The following HMSD variants were observed in gnomAD, a reference collection of about 807,000 sequenced individuals.
The protein encoded by HMSD is serpin-like protein HMSD.
A neutral mutation model predicts 10.0 loss-of-function variants in HMSD; 13 were observed. The observed-to-expected ratio is 1.31, with a 90% CI of 0.85 to 2.08. HMSD has a LOEUF of 2.08. Among genes scored for constraint, HMSD ranks in the 30% most tolerant of loss-of-function variants. The pLI, the probability that HMSD is intolerant of heterozygous loss-of-function variation, is 0.00. For synonymous variants in HMSD, 51 were observed against 54.2 expected, an observed-to-expected ratio of 0.94 and a Z score of 0.26; for missense variants, 169 against 166.3, an observed-to-expected ratio of 1.02 and a Z score of -0.09.
chr18:63,953,583 G>A, intron 2 of HMSD, 56 bp downstream of exon 2: 2 of 1,381,330 alleles, frequency 1.4e-6, no homozygotes, highest in Non-Finnish European at 2.1e-6. Context: ...CAGTTGAGCT[G>A]GACTTCTGCA....
intron 1 of HMSD, among the ~76,000 whole-genome samples, chr18:63,950,191 C>A (rs1179071340): frequency 1.3e-5 from 2 of 151,698 alleles, no homozygotes; most frequent in Non-Finnish European, 2.9e-5. Flanking sequence ...CTGAGGGGGG[C>A]GGATCACGAG....
intron 3 of HMSD, among the ~76,000 whole-genome samples, chr18:63,958,627 G>C (rs1403438696): frequency 1.3e-5 from 2 of 152,088 alleles, no homozygotes; most frequent in African/African-American, 4.8e-5. Flanking sequence ...TTTTTGGAAA[G>C]TTGATCATAG....
chr18:63,954,299 G>C, intron 2 of HMSD, 109 bp from the exon 3 acceptor site: 1 of 765,886 alleles, frequency 1.3e-6, no homozygotes, highest in South Asian at 1.9e-5. Context: ...CATCTTTTAA[G>C]CTGTAGTAAG....
At chr18:63,960,023 T>C in intron 3 of HMSD, 135 bp from the exon 4 acceptor site, 2 of 921,478 alleles carry the variant, frequency 2.2e-6, no homozygotes, top group Non-Finnish European at 3.3e-6. Flanking sequence ...TTTAGGTTAA[T>C]TCCTCATCTT....
At chr18:63,963,079 T>C (rs867011043), downstream of HMSD, among the ~76,000 whole-genome samples, 9 of 49,932 alleles carry the variant, frequency 1.8e-4, no homozygotes, top group Non-Finnish European at 3.0e-4. Context: ...TTCTCTTTCT[T>C]TCTTTCTTTC....
rs1299795652 is a variant in HMSD, at chr18:63,960,388, A to C, written c.*33A>C. The C allele has an allele frequency of 6.5e-7, 1 of 1,536,116 alleles. No individual in the cohort carries two copies. The highest frequency in any genetic ancestry group is 2.1e-5 in the Admixed American group (1 of 47,000). ...TCCTTTTTTCTCTAAACAACTATGC[A>C]AACATTAAAACCTTTCTTTGGAAAT... is the stretch of plus-strand genomic sequence containing the variant. On this transcript the variant is annotated 3_prime_UTR_variant, in exon 4 of 4. Transcript: ENST00000408945.
chr18:63,961,280 C>T lies in HMSD; in HGVS notation c.*925C>T, dbSNP rs2050385327. On this transcript the variant is annotated 3_prime_UTR_variant, in exon 4 of 4. Transcript: ENST00000408945. ...TGAAAATGAATGATAATGGTTTTAT[C>T]TGTTATAGAAATATAATATAATCAG... 1 of 151,348 alleles carries T rather than the reference C, an allele frequency of 6.6e-6. No homozygotes were observed. The highest frequency in any genetic ancestry group is 2.1e-4 in the South Asian group (1 of 4,806). 9.4% of individuals were successfully genotyped at this position (151,348 alleles called of 1,614,324 possible).
chr18:63,964,928 CCAAGA>C (rs2050403891), downstream of HMSD, among the ~76,000 whole-genome samples: 1 of 152,096 alleles, frequency 6.6e-6, no homozygotes, highest in South Asian at 2.1e-4. Flanking sequence ...TCCACTTACC[CCAAGA>C]CATGAAGTGA....
Position 63,953,509 on chromosome 18 carries a change from T to C in HMSD, c.54T>C (p.Thr18=), listed in dbSNP as rs1163941035. 2 of 1,613,656 alleles carry C rather than the reference T, an allele frequency of 1.2e-6. No individual in the cohort carries two copies. Among genetic ancestry groups the C allele is most frequent in the East Asian group, 2.2e-5 (1 of 44,880 alleles). The change falls in exon 2 of 4, where the codon ACT becomes ACC. Residue 18 remains threonine, a synonymous_variant. Transcript: ENST00000408945. ...AMVFMGAKGN[T]AAQMSQALCF... ...TTTTCATGGGGGCAAAGGGAAACAC[T>C]GCAGCTCAGATGTCTCAGGTACGTA...
downstream of HMSD, among the ~76,000 whole-genome samples, chr18:63,963,239 CCTTCCTTG>C (rs2050397938): frequency 6.7e-6 from 1 of 148,872 alleles, no homozygotes; most frequent in East Asian, 2.0e-4. Context: ...TTCCTTCCTT[CCTTCCTTG>C]CTTCCTTCCT....
intron 3 of HMSD, chr18:63,969,416 A>G (rs1239691760): frequency 6.6e-6 from 1 of 152,252 alleles, no homozygotes; most frequent in Non-Finnish European, 1.5e-5. Context: ...GATAGAGGTG[A>G]CAGAGTATGG....
intron 3 of HMSD, among the ~76,000 whole-genome samples, chr18:63,959,776 C>G (rs1023012477): frequency 2.0e-5 from 3 of 152,172 alleles, no homozygotes; most frequent in Non-Finnish European, 2.9e-5. Context: ...ATCTATTTCT[C>G]CTTTCAGTTC....
intron 3 of HMSD, among the ~76,000 whole-genome samples, chr18:63,956,261 A>C (rs1162850231): frequency 6.6e-6 from 1 of 152,232 alleles, no homozygotes; most frequent in East Asian, 1.9e-4. Flanking sequence ...GGGCAAAAGA[A>C]ACTATCAACA....
rs761528826 is a variant in HMSD at position 63,953,471 on chromosome 18, G to A, written c.16G>A (p.Ala6Thr). The A allele has an allele frequency of 1.2e-6, 2 of 1,613,984 alleles. No homozygotes were observed. The highest frequency in any genetic ancestry group is 2.2e-5 in the South Asian group (2 of 91,068). MSISS[A>T]LAMVFMGAKG... ...TTTTTTCCCCATGAGCATATCATCAGCCTTGGCCATGGTTTTCATGGGGGC... is the reference window on the plus strand; with the variant it reads ...TTTTTTCCCCATGAGCATATCATCAACCTTGGCCATGGTTTTCATGGGGGC... The change falls in exon 2 of 4, where the codon GCC (alanine) becomes ACC (threonine). Residue 6 changes from alanine to threonine, a missense_variant. Transcript: ENST00000408945.
downstream of HMSD, among the ~76,000 whole-genome samples, chr18:63,962,799 C>T (rs474728): frequency 9.7e-3 from 1,479 of 152,248 alleles, 22 homozygotes; most frequent in African/African-American, 0.033. Flanking sequence ...GAAGCTGATG[C>T]GCTTCTGCAT....
Position 63,960,503 on chromosome 18 carries a change from GT to G in HMSD, c.*155del. The G allele has an allele frequency of 8.1e-7, 1 of 1,227,938 alleles. No homozygotes were observed. The allele number at this position is 1,227,938 out of a possible 1,614,324, so 76.1% of individuals were successfully genotyped here. On this transcript the variant is annotated 3_prime_UTR_variant, in exon 4 of 4. Coordinates refer to ENST00000408945, the MANE Select transcript of HMSD (RefSeq NM_001123366.2). ...CTCTAGATGAAATAATCTCTTCCAGGTTTTTTTGCTTGTTAATATTAGGTAG... is the reference window on the plus strand; with the variant it reads ...CTCTAGATGAAATAATCTCTTCCAGGTTTTTTGCTTGTTAATATTAGGTAG...
At chr18:63,954,953 A>C (rs1568258741) in intron 3 of HMSD, among the ~76,000 whole-genome samples, 1 of 152,240 alleles carries the variant, frequency 6.6e-6, no homozygotes, top group Non-Finnish European at 1.5e-5. Flanking sequence ...AATCTTTTAA[A>C]ACTAATTTTG....
At chr18:63,957,502 T>C (rs567759125) in intron 3 of HMSD, among the ~76,000 whole-genome samples, 37 of 152,290 alleles carry the variant, frequency 2.4e-4, no homozygotes, top group Middle Eastern at 3.4e-3. Context: ...TGATATGTAT[T>C]TTTTCAAACT....
intron 1 of HMSD, 46 bp from the exon 2 acceptor site, chr18:63,953,308 G>A: frequency 1.6e-6 from 1 of 606,428 alleles, no homozygotes; most frequent in Admixed American, 2.8e-5. Flanking sequence ...AAATACACAT[G>A]TAAGCCTATA....
Sources: gnomAD v4.1 joint callset for allele counts (sites outside exome capture counted in the v4.1 genomes callset) on GRCh38, gnomAD v4.1.1 for gene constraint, MANE v1.5 for transcripts, NCBI Gene and HGNC (gene_info 2026-07-23, HGNC 2026-07-21) for gene names.